RNGTT: variants seen among roughly 807,000 people sequenced by gnomAD.
RNGTT encodes mRNA-capping enzyme.
RNGTT carries 33 observed loss-of-function variants against 79.3 expected under a neutral mutation model. That is an observed-to-expected ratio of 0.42 (90% CI 0.32 to 0.56). RNGTT has a LOEUF of 0.56. Among genes scored for constraint, RNGTT ranks in the 20% least tolerant of loss-of-function variants. The pLI, the probability that RNGTT is intolerant of heterozygous loss-of-function variation, is 0.17. For synonymous variants in RNGTT, 222 were observed against 235.9 expected (o/e 0.94, Z 0.54); for missense variants, 497 against 739.1 (o/e 0.67, Z 3.80).
intron 11 of RNGTT, among the ~76,000 whole-genome samples, chr6:88,834,315 T>A (rs185672560): frequency 6.6e-6 from 1 of 152,330 alleles, no homozygotes. Context: ...CTCTTTAGTA[T>A]GCGTTATATG....
At chr6:88,624,603 T>C (rs932624236) in intron 14 of RNGTT, among the ~76,000 whole-genome samples, 2 of 151,782 alleles carry the variant, frequency 1.3e-5, no homozygotes, top group Non-Finnish European at 2.9e-5. Flanking sequence ...TAAATAAATA[T>C]AGAACTGAAA....
chr6:88,960,451 G>T (rs1785578310), intron 1 of RNGTT, among the ~76,000 whole-genome samples: 1 of 152,106 alleles, frequency 6.6e-6, no homozygotes. Context: ...AAACTAGGGA[G>T]GGCTGGGTGC....
intron 8 of RNGTT, among the ~76,000 whole-genome samples, chr6:88,882,538 G>C (rs1031487711): frequency 2.4e-4 from 36 of 152,146 alleles, no homozygotes; most frequent in African/African-American, 8.7e-4. Context: ...TCAAAGCTCA[G>C]GAAAAAGTTA....
chr6:88,744,825 G>A (rs1408184096), intron 13 of RNGTT, among the ~76,000 whole-genome samples: 1 of 152,044 alleles, frequency 6.6e-6, no homozygotes, highest in Admixed American at 6.6e-5. Flanking sequence ...ATTAAAATGA[G>A]ATAAATTTCA....
intron 14 of RNGTT, among the ~76,000 whole-genome samples, chr6:88,640,067 T>C (rs891063500): frequency 1.3e-5 from 2 of 152,128 alleles, no homozygotes; most frequent in African/African-American, 4.8e-5. Context: ...AATCCTGAAG[T>C]ATTTATTCAA....
At chr6:88,784,757 A>G (rs973616548) in intron 12 of RNGTT, among the ~76,000 whole-genome samples, 2 of 152,170 alleles carry the variant, frequency 1.3e-5, no homozygotes, top group African/African-American at 4.8e-5. Context: ...AATAAACCCT[A>G]TCTTTTTGCT....
At position 88,786,376 on chromosome 6, in the gene RNGTT, C is replaced by T. The variant is rs113975291; in HGVS notation, c.1338+15188G>A. On this transcript the variant is annotated intron_variant, in intron 12 of 15. Transcript: ENST00000369485. ...TTTACTACCAACTTTGTAAATTAAA[C>T]AATCTAATAGCTATCATGTAAAAGA... 6.7e-3 allele frequency among the ~76,000 whole-genome samples: 1,023 copies of T among 152,176 alleles called. 5 individuals carry two copies. The highest frequency in any genetic ancestry group is 0.022 in the African/African-American group (914 of 41,546).
intron 13 of RNGTT, among the ~76,000 whole-genome samples, chr6:88,725,369 A>G (rs1176717570): frequency 6.6e-6 from 1 of 152,240 alleles, no homozygotes; most frequent in Non-Finnish European, 1.5e-5. Flanking sequence ...CAGATGGTGA[A>G]GTATTTCCTT....
At chr6:88,664,198 G>A (rs1774298820) in intron 14 of RNGTT, among the ~76,000 whole-genome samples, 1 of 152,142 alleles carries the variant, frequency 6.6e-6, no homozygotes, top group South Asian at 2.1e-4. Context: ...AAGGGTTGAG[G>A]AGAGGAGCCC....
intron 11 of RNGTT, among the ~76,000 whole-genome samples, chr6:88,807,230 T>C (rs1779988539): frequency 6.6e-6 from 1 of 152,194 alleles, no homozygotes; most frequent in Non-Finnish European, 1.5e-5. Flanking sequence ...CCTGCACATG[T>C]ACCCTGAACT....
Position 88,767,120 on chromosome 6 carries a change from T to C in RNGTT, c.1439+2654A>G, listed in dbSNP as rs183529186. On this transcript the variant is annotated intron_variant, in intron 13 of 15. Coordinates refer to ENST00000369485, the MANE Select transcript of RNGTT (RefSeq NM_003800.5). ...GTAATAGTTACCATGTTATATTTCA[T>C]ATTAAATATTCTATTTTTGAAAATT... is the stretch of plus-strand genomic sequence containing the variant. 3.3e-5 allele frequency among the ~76,000 whole-genome samples: 5 copies of C among 152,262 alleles called. No individual in the cohort carries two copies. In the East Asian group the frequency reaches 9.6e-4, roughly 29 times the overall value.
intron 13 of RNGTT, among the ~76,000 whole-genome samples, chr6:88,719,839 G>C (rs1411086962): frequency 6.6e-6 from 1 of 152,178 alleles, no homozygotes; most frequent in Admixed American, 6.5e-5. Context: ...GAAATTCAAA[G>C]ATGACCTAAC....
chr6:88,883,108 A>G (rs1220893622), intron 8 of RNGTT, among the ~76,000 whole-genome samples: 1 of 149,764 alleles, frequency 6.7e-6, no homozygotes, highest in Admixed American at 6.7e-5. Flanking sequence ...AATAGCTAGT[A>G]CCACTCAGGT....
In RNGTT at chr6:88,771,323, A is replaced by G. The variant is rs1206979943; in HGVS notation, c.1339-1449T>C. On this transcript the variant is annotated intron_variant, in intron 12 of 15. Coordinates refer to ENST00000369485, the MANE Select transcript of RNGTT (RefSeq NM_003800.5). ...TATGTATGTGTGTGTGTGTATATAT[A>G]TATATATATATATATATATATATAT... 7.5e-3 allele frequency among the ~76,000 whole-genome samples: 664 copies of G among 88,774 alleles called. 4 individuals carry two copies. The highest frequency in any genetic ancestry group is 0.019 in the South Asian group (40 of 2,152). The allele number at this position is 88,774 out of a possible 152,430, so 58.2% of individuals were successfully genotyped here.
At chr6:88,639,299 T>A (rs1384127373) in intron 14 of RNGTT, among the ~76,000 whole-genome samples, 1 of 152,166 alleles carries the variant, frequency 6.6e-6, no homozygotes, top group African/African-American at 2.4e-5. Flanking sequence ...ACTGGGTTAC[T>A]ATTAAAAGTT....
chr6:88,674,267 G>A (rs1463852759), intron 14 of RNGTT, among the ~76,000 whole-genome samples: 2 of 152,164 alleles, frequency 1.3e-5, no homozygotes, highest in Non-Finnish European at 2.9e-5. Context: ...TATTGTGGTG[G>A]CCAGGCATGG....
chr6:88,618,797 T>G (rs113753900), intron 14 of RNGTT, among the ~76,000 whole-genome samples: 1 of 152,224 alleles, frequency 6.6e-6, no homozygotes, highest in Non-Finnish European at 1.5e-5. Flanking sequence ...CTCAAGATTT[T>G]AAATTAGCAG....
At position 88,844,095 on chromosome 6, in the gene RNGTT, G is replaced by A. The variant is rs117502398; in HGVS notation, c.1269+262C>T. On this transcript the variant is annotated intron_variant, in intron 11 of 15. Coordinates refer to ENST00000369485, the MANE Select transcript of RNGTT (RefSeq NM_003800.5). The stretch of plus-strand genomic sequence containing the variant: ...TGTTGCTTATAGCTTTTTAAAAAAC[G>A]TAGTATGACCAATGACCATGAAACA... Among the ~76,000 whole-genome samples the A allele has an allele frequency of 2.7e-3, 410 of 151,920 alleles. 1 individual carries two copies. The highest frequency in any genetic ancestry group is 9.8e-3 in the South Asian group (47 of 4,794).
chr6:88,800,448 T>G (rs1011546724), intron 12 of RNGTT, among the ~76,000 whole-genome samples: 2 of 152,216 alleles, frequency 1.3e-5, no homozygotes, highest in Non-Finnish European at 1.5e-5. Context: ...TCCCTTTCTT[T>G]GACCCCAGGC....
Sources: gnomAD v4.1 joint callset for allele counts (sites outside exome capture counted in the v4.1 genomes callset) on GRCh38, gnomAD v4.1.1 for gene constraint, MANE v1.5 for transcripts, NCBI Gene and HGNC (gene_info 2026-07-23, HGNC 2026-07-21) for gene names.